The following CLASP2 variants were observed in gnomAD, a reference collection of about 807,000 sequenced individuals.
CLASP2 encodes the protein cytoplasmic linker associated protein 2.
Under a neutral mutation model 194.4 loss-of-function variants are expected in CLASP2, and 47 were observed. The observed-to-expected ratio is 0.24, with a 90% CI of 0.19 to 0.31. The LOEUF is 0.31. Among genes scored for constraint, CLASP2 ranks in the 10% least tolerant of loss-of-function variants. The probability of loss-of-function intolerance (pLI) is 1.00; values close to 1 mark genes in which losing one functional copy is unlikely to be tolerated. For synonymous variants in CLASP2, 619 were observed against 633.5 expected, an observed-to-expected ratio of 0.98 and a Z score of 0.34; for missense variants, 1,445 against 1,823.6, an observed-to-expected ratio of 0.79 and a Z score of 3.78.
intron 11 of CLASP2, among the ~76,000 whole-genome samples, chr3:33,621,136 G>C (rs1221741334): frequency 2.0e-5 from 3 of 151,898 alleles, no homozygotes; most frequent in African/African-American, 7.2e-5. Context: ...CAGTGAGACT[G>C]CCTTGCTCTG....
At chr3:33,583,196 A>G (rs1009162612) in intron 22 of CLASP2, among the ~76,000 whole-genome samples, 2 of 152,234 alleles carry the variant, frequency 1.3e-5, no homozygotes, top group African/African-American at 4.8e-5. Flanking sequence ...TCTGGAAAAA[A>G]TAAGGAACTG....
At chr3:33,706,161 T>C (rs1336896514) in intron 1 of CLASP2, among the ~76,000 whole-genome samples, 1 of 151,950 alleles carries the variant, frequency 6.6e-6, no homozygotes, top group Non-Finnish European at 1.5e-5. Context: ...GGTGGAAGGA[T>C]CACCTGAGCC....
intron 27 of CLASP2, among the ~76,000 whole-genome samples, chr3:33,563,209 C>A (rs1387208434): frequency 6.6e-6 from 1 of 152,170 alleles, no homozygotes; most frequent in Non-Finnish European, 1.5e-5. Flanking sequence ...ACTTTCTAAT[C>A]ATGATGTATA....
Position 33,538,948 on chromosome 3 carries a change from A to C in CLASP2, c.3405-6T>G. The C allele has an allele frequency of 6.4e-7, 1 of 1,550,990 alleles. No homozygotes were observed. Among genetic ancestry groups the C allele is most frequent in the African/African-American group, 1.4e-5 (1 of 72,500 alleles). ...CTGTGTCATAATCAAATGCACTATGAAAAAGACGACACTAATTTTTACTTA... is the reference window on the plus strand; with the variant it reads ...CTGTGTCATAATCAAATGCACTATGCAAAAGACGACACTAATTTTTACTTA... On this transcript the variant is annotated splice_polypyrimidine_tract_variant and splice_region_variant and intron_variant, in intron 32 of 38. Transcript: ENST00000682230.
chr3:33,615,948 A>C (rs1174270814), intron 12 of CLASP2, among the ~76,000 whole-genome samples: 1 of 152,106 alleles, frequency 6.6e-6, no homozygotes, highest in Non-Finnish European at 1.5e-5. Context: ...TCAGAAGAAA[A>C]CCCAAAGCCT....
At chr3:33,510,919 T>G (rs1413471223) in intron 36 of CLASP2, among the ~76,000 whole-genome samples, 155 bp from the exon 37 acceptor site, 1 of 152,138 alleles carries the variant, frequency 6.6e-6, no homozygotes. Context: ...TACAGATTAC[T>G]GATAAAAAGG....
chr3:33,689,368 CCCA>C (rs1400714413), intron 3 of CLASP2, among the ~76,000 whole-genome samples: 2 of 151,156 alleles, frequency 1.3e-5, no homozygotes, highest in East Asian at 1.9e-4. Flanking sequence ...TGGAAGGATA[CCCA>C]CCACAATATT....
intron 7 of CLASP2, among the ~76,000 whole-genome samples, chr3:33,657,050 G>C (rs1007037288): frequency 1.3e-5 from 2 of 152,018 alleles, no homozygotes; most frequent in Non-Finnish European, 2.9e-5. Context: ...AGGGATTTTT[G>C]CTTTACCTTC....
chr3:33,560,857 A>T lies in CLASP2; in HGVS notation c.2881T>A (p.Leu961Met). ...TQLLKKMGAD[L>M]LGSVQAKVQK... Reference sequence around the variant, plus strand: ...ACTTTTGCCTGAACAGATCCAAGCAAATCAGCACCCATTTTTTTTAGTAGT... The same window carrying T: ...ACTTTTGCCTGAACAGATCCAAGCATATCAGCACCCATTTTTTTTAGTAGT... Residue 961 changes from leucine (L) to methionine (M), a missense_variant, in exon 28 of 39, where the codon TTG (leucine) becomes ATG (methionine). Coordinates refer to ENST00000682230, the MANE Select transcript of CLASP2 (RefSeq NM_001365631.1). 1 of 1,614,004 alleles carries T rather than the reference A, an allele frequency of 6.2e-7. No homozygotes were observed. Among genetic ancestry groups the T allele is most frequent in the Non-Finnish European group, 8.5e-7 (1 of 1,179,882 alleles).
intron 12 of CLASP2, among the ~76,000 whole-genome samples, chr3:33,615,086 T>C (rs1477785740): frequency 6.6e-6 from 1 of 151,890 alleles, no homozygotes; most frequent in African/African-American, 2.4e-5. Flanking sequence ...AACCAAATTA[T>C]ACAAAGATAA....
chr3:33,670,062 G>A (rs1010188986), intron 6 of CLASP2, among the ~76,000 whole-genome samples: 2 of 151,892 alleles, frequency 1.3e-5, no homozygotes, highest in African/African-American at 4.8e-5. Flanking sequence ...CAACCCAAAA[G>A]AATCTATATA....
chr3:33,691,164 G>A (rs1477241485), intron 2 of CLASP2, among the ~76,000 whole-genome samples: 1 of 152,158 alleles, frequency 6.6e-6, no homozygotes, highest in Non-Finnish European at 1.5e-5. Context: ...GAGGCTTCAG[G>A]AATCCACTGG....
chr3:33,544,826 G>A lies in CLASP2; in HGVS notation c.3169C>T (p.Leu1057=). The stretch of plus-strand genomic sequence containing the variant: ...GTATTGAGTTCAAATAATGAAATCA[G>A]CACTGACTGTGCTGCCTAAAAAACA... ...SDVRKAAQSV[L]ISLFELNTPE... is the part of the protein sequence containing the mutation. Residue 1057 remains leucine (L), a synonymous_variant, in exon 31 of 39, where the codon CTG becomes TTG. Transcript: ENST00000682230. The A allele has an allele frequency of 6.2e-7, 1 of 1,608,348 alleles. No individual in the cohort carries two copies. The highest frequency in any genetic ancestry group is 1.3e-5 in the African/African-American group (1 of 74,816).
At chr3:33,638,528 G>A (rs752923149) in intron 8 of CLASP2, among the ~76,000 whole-genome samples, 8 of 151,990 alleles carry the variant, frequency 5.3e-5, no homozygotes, top group Admixed American at 2.6e-4. Flanking sequence ...GGATGGTCTC[G>A]GTCTCCTGAC....
intron 21 of CLASP2, among the ~76,000 whole-genome samples, chr3:33,591,602 C>T (rs1417929655): frequency 1.3e-5 from 2 of 152,168 alleles, no homozygotes; most frequent in South Asian, 4.1e-4. Context: ...CAGAGTAAGA[C>T]CCCATCTCTC....
chr3:33,644,479 AC>A, intron 8 of CLASP2: 1 of 398,608 alleles, frequency 2.5e-6, no homozygotes, highest in Non-Finnish European at 4.6e-6. Context: ...AAACAAAAAA[AC>A]CCCAAAAAAC....
intron 6 of CLASP2, among the ~76,000 whole-genome samples, chr3:33,671,274 A>G (rs1011093521): frequency 1.3e-5 from 2 of 152,086 alleles, no homozygotes; most frequent in Non-Finnish European, 2.9e-5. Flanking sequence ...TTACCAACAC[A>G]TTACTAAAGG....
intron 23 of CLASP2, chr3:33,576,555 A>G (rs1456295194): frequency 2.8e-6 from 1 of 361,194 alleles, no homozygotes; most frequent in Non-Finnish European, 5.1e-6. Context: ...AGGGCTTGCA[A>G]GTCTATAGCC....
At chr3:33,611,404 T>G (rs1337945594) in intron 13 of CLASP2, among the ~76,000 whole-genome samples, 5 of 152,166 alleles carry the variant, frequency 3.3e-5, no homozygotes, top group Non-Finnish European at 7.3e-5. Flanking sequence ...AAAATACCAC[T>G]GTAATCCTCA....
Sources: gnomAD v4.1 joint callset for allele counts (sites outside exome capture counted in the v4.1 genomes callset) on GRCh38, gnomAD v4.1.1 for gene constraint, MANE v1.5 for transcripts, NCBI Gene and HGNC (gene_info 2026-07-23, HGNC 2026-07-21) for gene names.